KIF26B: variants seen among roughly 807,000 people sequenced by gnomAD.
KIF26B encodes kinesin-like protein KIF26B.
A neutral mutation model predicts 151.2 loss-of-function variants in KIF26B; 63 were observed. The ratio of observed to expected loss-of-function variants is 0.42; its 90% CI spans 0.34 to 0.51. The LOEUF is 0.51. Among genes scored for constraint, KIF26B ranks in the 20% least tolerant of loss-of-function variants. The pLI is 0.07. For missense variants in KIF26B, 2,813 were observed against 2,913.6 expected, an observed-to-expected ratio of 0.97 and a Z score of 0.79; for synonymous variants, 1,357 against 1,262.1, an observed-to-expected ratio of 1.08 and a Z score of -1.59.
chr1:245,577,497 G>A (rs1408163227), intron 5 of KIF26B, among the ~76,000 whole-genome samples: 5 of 152,234 alleles, frequency 3.3e-5, no homozygotes, highest in African/African-American at 1.2e-4. Flanking sequence ...GGAGACAAAA[G>A]AGCCAACAGC....
chr1:245,613,880 T>C (rs537381558), intron 9 of KIF26B, among the ~76,000 whole-genome samples: 7 of 152,202 alleles, frequency 4.6e-5, no homozygotes, highest in African/African-American at 1.7e-4. Flanking sequence ...TTTTGGCCAA[T>C]CTATACAGTC....
intron 2 of KIF26B, among the ~76,000 whole-genome samples, chr1:245,238,860 C>CA (rs1041841125): frequency 6.7e-6 from 1 of 149,474 alleles, no homozygotes; most frequent in African/African-American, 2.6e-5. Flanking sequence ...AAAACTGTCT[C>CA]AAAAAACAAA....
rs116164731 is a variant in KIF26B, at chr1:245,571,525, A to T, written c.1350+30575A>T. On this transcript the variant is annotated intron_variant, in intron 5 of 14. Transcript: ENST00000407071. ...TAAACTGCTCTGTAATTCCTGCCTG[A>T]TTGGCTTTTCTTGAGAGGTGCCTGT... Among the ~76,000 whole-genome samples, 354 of 152,312 alleles carry T rather than the reference A, an allele frequency of 2.3e-3. 1 individual carries two copies. Among genetic ancestry groups the T allele is most frequent in the African/African-American group, 7.7e-3 (320 of 41,570 alleles).
chr1:245,464,689 T>C (rs988065938), intron 4 of KIF26B, among the ~76,000 whole-genome samples: 26 of 151,998 alleles, frequency 1.7e-4, no homozygotes, highest in Non-Finnish European at 3.4e-4. Context: ...TGTGTGAGTA[T>C]GTGCATGTGT....
intron 4 of KIF26B, among the ~76,000 whole-genome samples, chr1:245,438,687 A>G (rs1417984041): frequency 6.6e-6 from 1 of 152,212 alleles, no homozygotes; most frequent in Non-Finnish European, 1.5e-5. Flanking sequence ...AAAAACATGG[A>G]TGTCCATTCA....
At chr1:245,343,030 G>A (rs905461488) in intron 2 of KIF26B, among the ~76,000 whole-genome samples, 4 of 144,222 alleles carry the variant, frequency 2.8e-5, no homozygotes, top group Non-Finnish European at 6.0e-5. Flanking sequence ...AGCTTGCAGT[G>A]AGCCGAGATC....
intron 4 of KIF26B, among the ~76,000 whole-genome samples, chr1:245,454,421 C>T (rs1463744768): frequency 1.3e-5 from 2 of 152,158 alleles, no homozygotes; most frequent in Admixed American, 6.5e-5. Context: ...TCCAAATGCA[C>T]TCACGGCTTC....
At chr1:245,558,143 G>A (rs575233943) in intron 5 of KIF26B, among the ~76,000 whole-genome samples, 1 of 152,140 alleles carries the variant, frequency 6.6e-6, no homozygotes, top group Non-Finnish European at 1.5e-5. Context: ...AGGGGACTGA[G>A]CTTGGAGAAG....
chr1:245,266,100 T>C (rs1339632508), intron 2 of KIF26B, among the ~76,000 whole-genome samples: 2 of 152,110 alleles, frequency 1.3e-5, no homozygotes, highest in East Asian at 3.9e-4. Flanking sequence ...TGTAAAGAAC[T>C]ATTAAATAAG....
intron 4 of KIF26B, among the ~76,000 whole-genome samples, chr1:245,440,237 A>G (rs77649874): frequency 0.063 from 9,527 of 151,962 alleles, 453 homozygotes; most frequent in African/African-American, 0.13. Flanking sequence ...AAAAAAAACT[A>G]AAAGGTTCTC....
At chr1:245,469,164 C>G (rs1659855237) in intron 4 of KIF26B, among the ~76,000 whole-genome samples, 1 of 152,232 alleles carries the variant, frequency 6.6e-6, no homozygotes, top group African/African-American at 2.4e-5. Flanking sequence ...ACGCCAGAGT[C>G]TCACGTACAA....
intron 2 of KIF26B, among the ~76,000 whole-genome samples, chr1:245,306,670 T>A (rs1407930187): frequency 6.6e-6 from 1 of 152,172 alleles, no homozygotes; most frequent in East Asian, 1.9e-4. Flanking sequence ...CATCTATACA[T>A]TTGTAAACCT....
intron 2 of KIF26B, among the ~76,000 whole-genome samples, chr1:245,168,183 G>A (rs980749128): frequency 2.8e-4 from 43 of 152,222 alleles, no homozygotes; most frequent in Non-Finnish European, 5.0e-4. Flanking sequence ...ATTCCACAGG[G>A]ATGTGCCTGG....
chr1:245,243,724 G>A lies in KIF26B; in HGVS notation c.465+87041G>A, dbSNP rs187739850. ...AAATTAGCCAGGCATGGTGGCACAC[G>A]CCTGTAGTCCCAGTTACTCGGGAGG... On this transcript the variant is annotated intron_variant, in intron 2 of 14. Coordinates refer to ENST00000407071, the MANE Select transcript of KIF26B (RefSeq NM_018012.4). 6.7e-4 allele frequency among the ~76,000 whole-genome samples: 102 copies of A among 152,128 alleles called. 5 individuals carry two copies. In the East Asian group the frequency reaches 0.019, roughly 28 times the overall value.
chr1:245,239,286 A>G lies in KIF26B; in HGVS notation c.465+82603A>G. Among the ~76,000 whole-genome samples, 1 of 152,236 alleles carries G rather than the reference A, an allele frequency of 6.6e-6. No individual in the cohort carries two copies. The highest frequency in any genetic ancestry group is 1.9e-4 in the East Asian group (1 of 5,202). ...ATGATGATGTTGCACAAGGCGAAGA[A>G]GCAGATATTGACATGAGGCCAATAA... On this transcript the variant is annotated intron_variant, in intron 2 of 14. Coordinates refer to ENST00000407071, the MANE Select transcript of KIF26B (RefSeq NM_018012.4). This position sits in a 1 kb window ranked among gnomAD's most constrained non-coding sequence, Gnocchi z 4.3.
chr1:245,480,746 G>A (rs543330083), intron 4 of KIF26B, among the ~76,000 whole-genome samples: 6 of 148,724 alleles, frequency 4.0e-5, no homozygotes, highest in African/African-American at 1.5e-4. Flanking sequence ...TGTTCCAAGT[G>A]CTAAGTAGTT....
chr1:245,242,274 C>T (rs1670222576), intron 2 of KIF26B, among the ~76,000 whole-genome samples: 1 of 152,122 alleles, frequency 6.6e-6, no homozygotes, highest in Admixed American at 6.5e-5. Context: ...CCGGCATTAG[C>T]GTTATCAGAT....
chr1:245,233,247 T>G (rs967216401), intron 2 of KIF26B, among the ~76,000 whole-genome samples: 5 of 152,352 alleles, frequency 3.3e-5, no homozygotes, highest in Non-Finnish European at 7.4e-5. Context: ...GAATTTGCCT[T>G]GTGAATGTGT....
intron 9 of KIF26B, among the ~76,000 whole-genome samples, chr1:245,645,838 C>T (rs181040306): frequency 6.6e-6 from 1 of 152,320 alleles, no homozygotes; most frequent in African/African-American, 2.4e-5. Flanking sequence ...TCTCCAAAAT[C>T]TCATTCAGTT....
Sources: gnomAD v4.1 joint callset for allele counts (sites outside exome capture counted in the v4.1 genomes callset) on GRCh38, gnomAD v4.1.1 for gene constraint, Gnocchi (gnomAD v3.1) non-coding constraint, MANE v1.5 for transcripts, NCBI Gene and HGNC (gene_info 2026-07-23, HGNC 2026-07-21) for gene names.